Variants in EPHA6 observed in about 807,000 individuals in gnomAD.
EPHA6 encodes ephrin type-A receptor 6.
EPHA6 carries 50 observed loss-of-function variants against 112.0 expected under a neutral mutation model. The ratio of observed to expected loss-of-function variants is 0.45; its 90% CI spans 0.36 to 0.56. The LOEUF (loss-of-function observed/expected upper bound fraction) is 0.56, where lower values mean the gene tolerates loss of function less well. EPHA6 is among the 20% of genes least tolerant of loss of function. EPHA6 has a pLI of 0.00. For missense variants in EPHA6, 1,280 were observed against 1,417.4 expected, an observed-to-expected ratio of 0.90 and a Z score of 1.56; for synonymous variants, 529 against 490.7, an observed-to-expected ratio of 1.08 and a Z score of -1.03.
At chr3:97,735,748 A>G (rs2107849158) in intron 15 of EPHA6, among the ~76,000 whole-genome samples, 177 bp from the exon 16 acceptor site, 1 of 151,932 alleles carries the variant, frequency 6.6e-6, no homozygotes, top group East Asian at 2.0e-4. Flanking sequence ...GATGCTTTGG[A>G]GCTACTTGCA....
chr3:97,628,755 C>T (rs543043746), intron 13 of EPHA6, among the ~76,000 whole-genome samples: 2 of 151,690 alleles, frequency 1.3e-5, no homozygotes, highest in African/African-American at 2.4e-5. Flanking sequence ...TGGCATTTCA[C>T]CTTATACTAG....
chr3:97,220,175 G>A (rs2078150041), intron 3 of EPHA6, among the ~76,000 whole-genome samples: 1 of 152,168 alleles, frequency 6.6e-6, no homozygotes, highest in Non-Finnish European at 1.5e-5. Context: ...ATTTTGGTCT[G>A]AGTCATTCAA....
intron 3 of EPHA6, among the ~76,000 whole-genome samples, chr3:97,173,130 G>C (rs941930283): frequency 8.6e-5 from 13 of 151,776 alleles, no homozygotes; most frequent in African/African-American, 2.9e-4. Flanking sequence ...CTGGATCTCG[G>C]CTTACACTTG....
chr3:97,481,566 C>T (rs2091549265), intron 9 of EPHA6: 4 of 649,352 alleles, frequency 6.2e-6, no homozygotes, highest in Non-Finnish European at 8.6e-6. Context: ...CGCGGCGCGT[C>T]CGGCGCTGGG....
chr3:97,140,554 G>A (rs1431671702), intron 3 of EPHA6, among the ~76,000 whole-genome samples: 1 of 152,108 alleles, frequency 6.6e-6, no homozygotes, highest in African/African-American at 2.4e-5. Flanking sequence ...AAAAATGCCA[G>A]CCCAGAGTTT....
intron 5 of EPHA6, among the ~76,000 whole-genome samples, chr3:97,382,965 G>C (rs1023970608): frequency 1.3e-5 from 2 of 151,972 alleles, no homozygotes; most frequent in African/African-American, 4.8e-5. Context: ...AGTTTGCTAA[G>C]ATGACCATTT....
At chr3:97,343,689 A>G (rs1224206100) in intron 5 of EPHA6, among the ~76,000 whole-genome samples, 1 of 152,144 alleles carries the variant, frequency 6.6e-6, no homozygotes, top group Non-Finnish European at 1.5e-5. Flanking sequence ...AGAAAGTGAG[A>G]CCAAATGAAG....
chr3:97,391,838 C>A (rs181278880), intron 5 of EPHA6, among the ~76,000 whole-genome samples: 1 of 151,964 alleles, frequency 6.6e-6, no homozygotes, highest in South Asian at 2.1e-4. Context: ...GAACTCTCTT[C>A]TAAAATGCCT....
Position 97,001,229 on chromosome 3 carries a change from G to C in EPHA6, c.1114+13236G>C, listed in dbSNP as rs573209915. 3.3e-5 allele frequency among the ~76,000 whole-genome samples: 5 copies of C among 151,682 alleles called. No individual in the cohort carries two copies. The South Asian group carries it at 8.3e-4, about 25-fold the overall frequency. On this transcript the variant is annotated intron_variant, in intron 3 of 17. Coordinates refer to ENST00000389672, the MANE Select transcript of EPHA6 (RefSeq NM_001080448.3). ...AAAATAGCAACAGGGAACATTTGTG[G>C]TAAACCTTCTGCAATAACAGTTCAT... is the stretch of plus-strand genomic sequence containing the variant.
chr3:97,264,790 CT>C (rs2079617458), intron 5 of EPHA6, among the ~76,000 whole-genome samples: 1 of 152,150 alleles, frequency 6.6e-6, no homozygotes, highest in Non-Finnish European at 1.5e-5. Context: ...GGGAAGCTCC[CT>C]CCATAACCAG....
chr3:97,274,553 T>C (rs2080003341), intron 5 of EPHA6, among the ~76,000 whole-genome samples: 1 of 152,158 alleles, frequency 6.6e-6, no homozygotes, highest in Admixed American at 6.5e-5. Context: ...AGTATAAATA[T>C]TGATGCGTAG....
intron 2 of EPHA6, among the ~76,000 whole-genome samples, chr3:96,942,322 C>G (rs1178098234): frequency 6.6e-6 from 1 of 152,182 alleles, no homozygotes; most frequent in Middle Eastern, 3.2e-3. Flanking sequence ...TGGCAGGCAC[C>G]CCTCCCCCAG....
rs191262808 is a variant in EPHA6, at chr3:96,986,142, A to C, written c.451-1188A>C. Among the ~76,000 whole-genome samples the C allele has an allele frequency of 5.5e-3, 839 of 152,314 alleles. 7 individuals carry two copies. The highest frequency in any genetic ancestry group is 0.02 in the African/African-American group (817 of 41,570). On this transcript the variant is annotated intron_variant, in intron 2 of 17. Coordinates refer to ENST00000389672, the MANE Select transcript of EPHA6 (RefSeq NM_001080448.3). Reference sequence around the variant, plus strand: ...AGCTATACAAATAAAATGGAGTTATAATCTAAATTTACAGTATAGAAGTAT... The same window carrying C: ...AGCTATACAAATAAAATGGAGTTATCATCTAAATTTACAGTATAGAAGTAT...
chr3:96,982,058 G>A (rs935510907), intron 2 of EPHA6, among the ~76,000 whole-genome samples: 2 of 152,038 alleles, frequency 1.3e-5, no homozygotes, highest in African/African-American at 4.8e-5. Context: ...ATCTCCTTCA[G>A]TTCTTCTCTA....
At chr3:97,687,998 A>G (rs2032378108) in intron 14 of EPHA6, among the ~76,000 whole-genome samples, 1 of 152,212 alleles carries the variant, frequency 6.6e-6, no homozygotes, top group African/African-American at 2.4e-5. Context: ...TCCATTGGCC[A>G]ACCAAGTCTC....
chr3:97,017,596 T>G (rs1311091565), intron 3 of EPHA6, among the ~76,000 whole-genome samples: 3 of 151,852 alleles, frequency 2.0e-5, no homozygotes, highest in Non-Finnish European at 4.4e-5. Flanking sequence ...CCAGTGGACT[T>G]ATGGGGCAAG....
intron 14 of EPHA6, chr3:97,648,529 A>T (rs768574350): frequency 7.9e-7 from 1 of 1,271,130 alleles, no homozygotes; most frequent in African/African-American, 1.5e-5. Context: ...TAAGCCTTGA[A>T]CATGTCCAAC....
At chr3:97,384,507 CAT>C (rs1162832700) in intron 5 of EPHA6, among the ~76,000 whole-genome samples, 1 of 152,146 alleles carries the variant, frequency 6.6e-6, no homozygotes, top group Non-Finnish European at 1.5e-5. Context: ...TGGTTACTAA[CAT>C]ATTTCAATGG....
chr3:97,130,814 T>C (rs1227295253), intron 3 of EPHA6, among the ~76,000 whole-genome samples: 10 of 152,162 alleles, frequency 6.6e-5, no homozygotes, highest in Admixed American at 6.5e-4. Flanking sequence ...CTGTTAAAAG[T>C]GAAAAGTATT....
Sources: allele counts gnomAD v4.1 joint callset (sites outside exome capture counted in the v4.1 genomes callset), GRCh38; gene constraint gnomAD v4.1.1; transcripts MANE v1.5; gene names NCBI Gene and HGNC (gene_info 2026-07-23, HGNC 2026-07-21).